Variants in NT5C1B observed in about 807,000 individuals in gnomAD.
NT5C1B encodes cytosolic 5'-nucleotidase 1B.
NT5C1B carries 44 observed loss-of-function variants against 57.8 expected under a neutral mutation model. The observed-to-expected ratio is 0.76, with a 90% CI of 0.60 to 0.98. The LOEUF (loss-of-function observed/expected upper bound fraction) is 0.98, where lower values mean the gene tolerates loss of function less well. NT5C1B is among the 50% of genes least tolerant of loss of function. The pLI is 0.00. For synonymous variants in NT5C1B, 284 were observed against 282.6 expected (o/e 1.00, Z -0.05); for missense variants, 742 against 719.5 (o/e 1.03, Z -0.36).
At chr2:18,577,943 C>T (rs565715939) in intron 6 of NT5C1B, among the ~76,000 whole-genome samples, 1 of 152,124 alleles carries the variant, frequency 6.6e-6, no homozygotes, top group African/African-American at 2.4e-5. Flanking sequence ...CTACCAACCC[C>T]ACAGAAATAG....
Position 18,584,808 on chromosome 2 carries a change from G to C in NT5C1B, c.429C>G (p.Ser143=), listed in dbSNP as rs1197915509. The change falls in exon 4 of 9, where the codon TCC becomes TCG. Residue 143 remains serine (S), a synonymous_variant. Coordinates refer to ENST00000304081, the Ensembl canonical transcript of NT5C1B. This position sits in a 1 kb window ranked among gnomAD's most constrained non-coding sequence, Gnocchi z 5.8. ...TCTCTTGCATTTTGGTGCTGCGCCGGGAGCCAGGATCGGGCTCTGGGGGCG... is the reference window on the plus strand; with the variant it reads ...TCTCTTGCATTTTGGTGCTGCGCCGCGAGCCAGGATCGGGCTCTGGGGGCG... 4.3e-6 allele frequency: 7 copies of C among 1,613,004 alleles called. No homozygotes were observed. Among genetic ancestry groups the C allele is most frequent in the African/African-American group, 1.3e-5 (1 of 74,922 alleles).
intron 8 of NT5C1B, among the ~76,000 whole-genome samples, chr2:18,570,639 G>A (rs962455362): frequency 2.6e-5 from 4 of 152,028 alleles, no homozygotes; most frequent in African/African-American, 9.7e-5. Context: ...AGACTCAGAT[G>A]GCGTCTCTGA....
At chr2:18,586,957 G>T in intron 2 of NT5C1B, 1 of 1,613,882 alleles carries the variant, frequency 6.2e-7, no homozygotes, top group Non-Finnish European at 8.5e-7. Context: ...GTTGTCTGTG[G>T]TTCCCCTCCA....
intron 8 of NT5C1B, among the ~76,000 whole-genome samples, chr2:18,566,926 G>A (rs548293814): frequency 6.6e-6 from 1 of 152,324 alleles, no homozygotes; most frequent in East Asian, 1.9e-4. Flanking sequence ...AAGACATGGA[G>A]TGCAAGAACT....
chr2:18,575,507 T>C (rs1665593394), intron 8 of NT5C1B, among the ~76,000 whole-genome samples: 1 of 152,116 alleles, frequency 6.6e-6, no homozygotes, highest in African/African-American at 2.4e-5. Flanking sequence ...AGAATAAAAT[T>C]AAAAGACCTA....
At chr2:18,568,276 C>T (rs1664835327) in intron 8 of NT5C1B, among the ~76,000 whole-genome samples, 1 of 152,116 alleles carries the variant, frequency 6.6e-6, no homozygotes, top group Admixed American at 6.6e-5. Context: ...GGAAGAGCAT[C>T]TTTAAAGTGC....
chr2:18,586,867 T>C, intron 2 of NT5C1B: 20 of 1,491,120 alleles, frequency 1.3e-5, no homozygotes, highest in Non-Finnish European at 1.8e-5. Context: ...GCTTTTCTTT[T>C]AGGAGAAACA....
At chr2:18,564,108 T>G in exon 9 of NT5C1B, 1 of 1,570,230 alleles carries the variant, frequency 6.4e-7, no homozygotes, top group Non-Finnish European at 8.6e-7. Context: ...CCAGAAAGCC[T>G]TTTAGGGGAC....
chr2:18,569,114 G>A (rs1027054731), intron 8 of NT5C1B, among the ~76,000 whole-genome samples: 38 of 152,280 alleles, frequency 2.5e-4, no homozygotes, highest in African/African-American at 7.9e-4. Flanking sequence ...GGCAGAGTTT[G>A]GCAGTTCGTT....
At chr2:18,583,313 T>C in intron 5 of NT5C1B, 1 of 193,410 alleles carries the variant, frequency 5.2e-6, no homozygotes, top group Non-Finnish European at 1.1e-5. Flanking sequence ...TGTCTATGTT[T>C]GATTTTTAAA....
chr2:18,584,962 G>A lies in NT5C1B; in HGVS notation c.275C>T (p.Thr92Met), dbSNP rs768533500. Reference sequence around the variant, plus strand: ...GGAGGTGGATGGAGTCCGGGAGCTCGTGGAGCTGCTGGGGAGCTGCAGCAA... The same window carrying A: ...GGAGGTGGATGGAGTCCGGGAGCTCATGGAGCTGCTGGGGAGCTGCAGCAA... Residue 92 changes from threonine (T) to methionine (M), a missense_variant, in exon 4 of 9, where the codon ACG becomes ATG. Transcript: ENST00000304081. This position sits in a 1 kb window ranked among gnomAD's most constrained non-coding sequence, Gnocchi z 5.8. The A allele has an allele frequency of 1.3e-6, 2 of 1,543,896 alleles. No homozygotes were observed. Among genetic ancestry groups the A allele is most frequent in the Non-Finnish European group, 1.7e-6 (2 of 1,152,450 alleles).
At chr2:18,586,786 G>A in intron 2 of NT5C1B, 1 of 830,504 alleles carries the variant, frequency 1.2e-6, no homozygotes. Context: ...GTAAAGGTGA[G>A]GGCAACTGGT....
intron 8 of NT5C1B, among the ~76,000 whole-genome samples, chr2:18,565,423 A>G (rs534209400): frequency 2.6e-5 from 4 of 152,168 alleles, no homozygotes; most frequent in Admixed American, 6.5e-5. Flanking sequence ...CTATATATCT[A>G]TTTCCTCTGT....
chr2:18,573,652 C>G (rs938831760), intron 8 of NT5C1B, among the ~76,000 whole-genome samples: 1 of 152,050 alleles, frequency 6.6e-6, no homozygotes, highest in Non-Finnish European at 1.5e-5. Flanking sequence ...CAGACCTCTT[C>G]CATTTGACAA....
At chr2:18,589,325 G>T in intron 1 of NT5C1B, 114 bp downstream of exon 1, 1 of 1,394,920 alleles carries the variant, frequency 7.2e-7, no homozygotes, top group Non-Finnish European at 1.0e-6. Context: ...TCTACCTGAA[G>T]CCATTATCTG....
intron 8 of NT5C1B, among the ~76,000 whole-genome samples, chr2:18,565,262 T>C (rs1664542014): frequency 1.3e-5 from 2 of 152,214 alleles, no homozygotes; most frequent in Admixed American, 1.3e-4. Flanking sequence ...ACGGTTGTTT[T>C]AGTTTTAATT....
At chr2:18,576,315 T>C (rs1221905453) in exon 8 of NT5C1B, 2 of 1,613,714 alleles carry the variant, frequency 1.2e-6, no homozygotes, top group Admixed American at 1.7e-5. Flanking sequence ...CGGAGCTGAG[T>C]GTCACAGTAA....
In NT5C1B at chr2:18,589,536, C is replaced by T; in HGVS notation, c.-68G>A. 1 of 1,610,912 alleles carries T rather than the reference C, an allele frequency of 6.2e-7. No individual in the cohort carries two copies. The highest frequency in any genetic ancestry group is 8.5e-7 in the Non-Finnish European group (1 of 1,177,948). ...GTCTCCCCAGCTCCATTTCCTGTCA[C>T]TTCCCTTGCTCAGTCTAGCTTTGCA... On this transcript the variant is annotated 5_prime_UTR_variant, in exon 1 of 9. In the 5' UTR this introduces an upstream ATG that the reference lacks. Transcript: ENST00000304081.
chr2:18,586,110 G>T, intron 3 of NT5C1B, 144 bp downstream of exon 3: 4 of 1,266,400 alleles, frequency 3.2e-6, no homozygotes, highest in East Asian at 2.6e-5. Context: ...TGGGATTTAC[G>T]GGCAGAAGGG....
Sources: allele counts gnomAD v4.1 joint callset (sites outside exome capture counted in the v4.1 genomes callset), GRCh38; gene constraint gnomAD v4.1.1; non-coding constraint Gnocchi (gnomAD v3.1); transcripts MANE v1.5; gene names NCBI Gene and HGNC (gene_info 2026-07-23, HGNC 2026-07-21).